WWOX: variants seen among roughly 807,000 people sequenced by gnomAD.
WWOX encodes the protein WW domain-containing oxidoreductase.
A neutral mutation model predicts 46.2 loss-of-function variants in WWOX; 69 were observed. The ratio of observed to expected loss-of-function variants is 1.49; its 90% confidence interval spans 1.23 to 1.82. WWOX has a LOEUF of 1.82. Among genes scored for constraint, WWOX ranks in the 40% most tolerant of loss-of-function variants. The pLI, the probability that WWOX is intolerant of heterozygous loss-of-function variation, is 0.00. For missense variants in WWOX, 919 were observed against 542.6 expected (o/e 1.69, Z -6.89); for synonymous variants, 359 against 202.6 (o/e 1.77, Z -6.56).
At chr16:78,876,798 A>T (rs942254823) in intron 8 of WWOX, among the ~76,000 whole-genome samples, 1 of 152,198 alleles carries the variant, frequency 6.6e-6, no homozygotes, top group Non-Finnish European at 1.5e-5. Context: ...CACCTCATCT[A>T]TTATGCTGTG....
intron 8 of WWOX, among the ~76,000 whole-genome samples, chr16:78,914,830 G>C (rs961004891): frequency 2.7e-5 from 4 of 148,816 alleles, no homozygotes; most frequent in African/African-American, 9.9e-5. Flanking sequence ...AGTGAGCCAG[G>C]ATCGCGCCAC....
intron 8 of WWOX, among the ~76,000 whole-genome samples, chr16:78,888,469 G>A (rs1340661016): frequency 6.6e-6 from 1 of 152,152 alleles, no homozygotes; most frequent in East Asian, 1.9e-4. Context: ...GGTCCACTAG[G>A]TGCTATTAGC....
rs1199317546 is a variant in WWOX, at chr16:78,422,684, TACACAC to T, written c.606-2174_606-2169del. Among the ~76,000 whole-genome samples the T allele has an allele frequency of 1.1e-3, 56 of 52,942 alleles. 9 individuals carry two copies. The highest frequency in any genetic ancestry group is 5.3e-3 in the African/African-American group (49 of 9,196). 34.7% of individuals were successfully genotyped at this position (52,942 alleles called of 152,430 possible). A position where few individuals can be genotyped will look rare whatever the true frequency, so the allele number is the denominator to read the frequency against. ...ACATGTATATATATATATATATATATACACACACACACACACATATATATATACACA... is the reference window on the plus strand; with the variant it reads ...ACATGTATATATATATATATATATATACACACACACATATATATATACACA... On this transcript the variant is annotated intron_variant, in intron 6 of 8. Transcript: ENST00000566780.
intron 8 of WWOX, among the ~76,000 whole-genome samples, chr16:79,104,376 C>G (rs1240946611): frequency 1.3e-5 from 2 of 152,142 alleles, no homozygotes; most frequent in African/African-American, 2.4e-5. Context: ...AAGCATACAT[C>G]AAAGTTGAAA....
Position 78,993,852 on chromosome 16 carries a change from G to C in WWOX, c.1057-217756G>C, listed in dbSNP as rs79653583. Among the ~76,000 whole-genome samples, 25 of 152,326 alleles carry C rather than the reference G, an allele frequency of 1.6e-4. No individual in the cohort carries two copies. The East Asian group carries it at 4.8e-3, about 29-fold the overall frequency. On this transcript the variant is annotated intron_variant, in intron 8 of 8. Transcript: ENST00000566780. ...GCCAAGACGCCTGTTCTCCACGGCG[G>C]AGCCCGCTGGTCGGTCACTCCTGTT...
At chr16:78,640,466 C>A (rs1893369474) in intron 8 of WWOX, among the ~76,000 whole-genome samples, 1 of 151,942 alleles carries the variant, frequency 6.6e-6, no homozygotes, top group South Asian at 2.1e-4. Flanking sequence ...CAGGCTCCTG[C>A]CATTGATGTG....
intron 8 of WWOX, among the ~76,000 whole-genome samples, chr16:79,028,929 T>C (rs1390098871): frequency 2.6e-5 from 4 of 151,796 alleles, no homozygotes; most frequent in Non-Finnish European, 5.9e-5. Context: ...TTATAGCCGC[T>C]GACATTGAAG....
At chr16:78,920,299 G>A (rs937526144) in intron 8 of WWOX, among the ~76,000 whole-genome samples, 2 of 152,196 alleles carry the variant, frequency 1.3e-5, no homozygotes, top group African/African-American at 4.8e-5. Context: ...CTCTGGGGCA[G>A]GGATGTGTAA....
At chr16:79,201,218 A>G (rs367689092) in intron 8 of WWOX, among the ~76,000 whole-genome samples, 11 of 152,068 alleles carry the variant, frequency 7.2e-5, no homozygotes, top group East Asian at 1.9e-4. Flanking sequence ...ACCTGGATCT[A>G]TCTTCCTCCT....
chr16:78,364,366 C>T lies in WWOX; in HGVS notation c.517-22494C>T, dbSNP rs117811167. Among the ~76,000 whole-genome samples the T allele has an allele frequency of 3.2e-3, 480 of 152,208 alleles. 1 individual carries two copies. The highest frequency in any genetic ancestry group is 4.9e-3 in the Non-Finnish European group (334 of 68,010). On this transcript the variant is annotated intron_variant, in intron 5 of 8. Coordinates refer to ENST00000566780, the MANE Select transcript of WWOX (RefSeq NM_016373.4). ...TGTATCTAATTACAAGGCATTGTAT[C>T]GGTTCTGATTTATTAACCATTTACT...
chr16:78,539,169 C>T (rs1308641893), intron 8 of WWOX, among the ~76,000 whole-genome samples: 1 of 152,212 alleles, frequency 6.6e-6, no homozygotes, highest in Non-Finnish European at 1.5e-5. Context: ...TTCCCCTAGA[C>T]TTTGCAGTGC....
chr16:79,161,908 T>G (rs531623187), intron 8 of WWOX, among the ~76,000 whole-genome samples: 1 of 152,284 alleles, frequency 6.6e-6, no homozygotes, highest in East Asian at 1.9e-4. Flanking sequence ...GAGGCTTTAA[T>G]TTTCCCTCCC....
At chr16:79,007,133 A>G (rs568242858) in intron 8 of WWOX, among the ~76,000 whole-genome samples, 1 of 152,304 alleles carries the variant, frequency 6.6e-6, no homozygotes, top group South Asian at 2.1e-4. Context: ...CACAGACAAG[A>G]TCCTTGCACT....
chr16:78,878,861 G>C (rs2044284568), intron 8 of WWOX, among the ~76,000 whole-genome samples: 1 of 139,904 alleles, frequency 7.1e-6, no homozygotes, highest in African/African-American at 2.7e-5. Context: ...TTTGAGACCA[G>C]CCTGGGCAAG....
At chr16:78,417,040 G>GGGGGGTGTGTGTGTGTGTGTGT (rs58277331) in intron 6 of WWOX, among the ~76,000 whole-genome samples, 10 of 151,264 alleles carry the variant, frequency 6.6e-5, no homozygotes, top group African/African-American at 2.4e-4. Context: ...ACCCTTTGGG[G>GGGGGGTGTGTGTGTGTGTGTGT]GTGTGTGTGT....
chr16:79,068,312 G>A (rs2048479718), intron 8 of WWOX, among the ~76,000 whole-genome samples: 2 of 152,196 alleles, frequency 1.3e-5, no homozygotes, highest in South Asian at 4.1e-4. Flanking sequence ...CCATCTTGGG[G>A]GTGAGGACAA....
At chr16:78,728,099 G>C (rs1361810455) in intron 8 of WWOX, among the ~76,000 whole-genome samples, 1 of 106,530 alleles carries the variant, frequency 9.4e-6, no homozygotes, top group Non-Finnish European at 1.7e-5. Flanking sequence ...GGGTCTCACT[G>C]TGTCACCCAA....
At chr16:78,582,359 CAAG>C (rs1400482938) in intron 8 of WWOX, among the ~76,000 whole-genome samples, 1 of 152,132 alleles carries the variant, frequency 6.6e-6, no homozygotes. Flanking sequence ...TTAATTTAGA[CAAG>C]AATGTGGCTT....
At chr16:78,625,789 A>T (rs544084331) in intron 8 of WWOX, among the ~76,000 whole-genome samples, 182 of 140,618 alleles carry the variant, frequency 1.3e-3, no homozygotes, top group Non-Finnish European at 2.0e-3. Flanking sequence ...GCCAGTACTT[A>T]AAAGTAATGG....
Sources: gnomAD v4.1 joint callset for allele counts (sites outside exome capture counted in the v4.1 genomes callset) on GRCh38, gnomAD v4.1.1 for gene constraint, MANE v1.5 for transcripts, NCBI Gene and HGNC (gene_info 2026-07-23, HGNC 2026-07-21) for gene names.